Variants in IKBKE observed in about 807,000 individuals in gnomAD.
IKBKE encodes the protein inhibitor of nuclear factor kappa B kinase subunit epsilon.
Under a neutral mutation model 92.1 loss-of-function variants are expected in IKBKE, and 45 were observed. That is an observed-to-expected ratio of 0.49 (90% CI 0.38 to 0.63). IKBKE has a LOEUF of 0.63. Ranked by LOEUF, IKBKE falls within the 20% of genes least tolerant of loss-of-function variation. The probability of loss-of-function intolerance (pLI) is 0.00; values close to 1 mark genes in which losing one functional copy is unlikely to be tolerated. For synonymous variants in IKBKE, 374 were observed against 380.3 expected, an observed-to-expected ratio of 0.98 and a Z score of 0.19; for missense variants, 700 against 932.8, an observed-to-expected ratio of 0.75 and a Z score of 3.25.
chr1:206,479,058 A>G lies in IKBKE; in HGVS notation c.1108A>G (p.Ile370Val), dbSNP rs1665224135. 3 of 1,613,956 alleles carry G rather than the reference A, an allele frequency of 1.9e-6. No homozygotes were observed. The Admixed American group carries it at 5.0e-5, about 27-fold the overall frequency. The change falls in exon 10 of 22, where the codon ATC (isoleucine) becomes GTC (valine). Residue 370 changes from isoleucine (I) to valine (V), a missense_variant. By Grantham distance (29) the Ile-to-Val change is conservative. Coordinates refer to ENST00000581977, the MANE Select transcript of IKBKE (RefSeq NM_014002.4). ...CGAGCCCAGCGTCTCAGCACAGCAC[A>G]TCGCCCACACGACGGCAAGCAGCCC... ...VLEPSVSAQH[I>V]AHTTASSPLT...
chr1:206,491,275 C>T (rs41299846), intron 17 of IKBKE: 1 of 362,936 alleles, frequency 2.8e-6, no homozygotes, highest in Non-Finnish European at 5.2e-6. Context: ...GAACTCACTC[C>T]CCCAGTTCTA....
intron 2 of IKBKE, 46 bp from the exon 3 acceptor site, chr1:206,473,150 T>C: frequency 8.3e-7 from 1 of 1,200,934 alleles, no homozygotes; most frequent in Non-Finnish European, 1.2e-6. Context: ...GCGGCCACCC[T>C]GTGCCAGGAA....
intron 21 of IKBKE, among the ~76,000 whole-genome samples, chr1:206,494,298 T>C (rs1208896898): frequency 6.6e-6 from 1 of 152,200 alleles, no homozygotes; most frequent in African/African-American, 2.4e-5. Context: ...CTGCCCCAGA[T>C]GCCTCCTTGA....
rs1266628286 is a variant in IKBKE, at chr1:206,478,330, C to G, written c.983C>G (p.Ala328Gly). ...QAVLHHIYIH[A>G]HNTIAIFQEA... ...GTCCTGCACCACATCTATATCCATG[C>G]CCACAACACGTAAGTGGGGGCGAGG... is the stretch of plus-strand genomic sequence containing the variant. Residue 328 changes from alanine (A) to glycine (G), a missense_variant, in exon 9 of 22, where the codon GCC (alanine) becomes GGC (glycine). Ala to Gly is a moderately conservative substitution (Grantham distance 60, BLOSUM62 0). Transcript: ENST00000581977. The surrounding 1 kb of genome is among the most constrained non-coding windows in gnomAD (Gnocchi z 4.8). 2 of 1,613,126 alleles carry G rather than the reference C, an allele frequency of 1.2e-6. No individual in the cohort carries two copies. Among genetic ancestry groups the G allele is most frequent in the Non-Finnish European group, 1.7e-6 (2 of 1,180,002 alleles).
rs145967089 is a variant in IKBKE at position 206,477,773 on chromosome 1, G to A, written c.726G>A (p.Pro242=). ...EIMYRITTEK[P]AGAIAGAQRR... ...GGTACCGGATCACCACGGAGAAGCCGGCTGGGGCCATTGCAGGTGCCCAGA... is the reference window on the plus strand; with the variant it reads ...GGTACCGGATCACCACGGAGAAGCCAGCTGGGGCCATTGCAGGTGCCCAGA... The change falls in exon 8 of 22, where the codon CCG becomes CCA. Residue 242 remains proline (P), a synonymous_variant. Coordinates refer to ENST00000581977, the MANE Select transcript of IKBKE (RefSeq NM_014002.4). The A allele has an allele frequency of 1.3e-4, 199 of 1,567,158 alleles. No homozygotes were observed. The African/African-American group carries it at 1.3e-3, about 10-fold the overall frequency.
At chr1:206,480,223 G>A in intron 12 of IKBKE, 110 bp downstream of exon 12, 2 of 494,562 alleles carry the variant, frequency 4.0e-6, no homozygotes, top group South Asian at 4.0e-5. Flanking sequence ...GGCAGGAAGT[G>A]GAGGTGAGCA....
intron 18 of IKBKE, chr1:206,492,065 G>A (rs1045603271): frequency 2.1e-5 from 7 of 329,160 alleles, no homozygotes; most frequent in South Asian, 8.1e-5. Flanking sequence ...CCCAAGACTC[G>A]TATGTGGCTC....
chr1:206,480,272 G>T (rs1243681324), intron 12 of IKBKE, among the ~76,000 whole-genome samples, 159 bp downstream of exon 12: 1 of 129,290 alleles, frequency 7.7e-6, no homozygotes, highest in Non-Finnish European at 1.7e-5. Flanking sequence ...TGGGCAGAGA[G>T]GGGGAGGCGG....
At position 206,478,416 on chromosome 1, in the gene IKBKE, C is replaced by T; in HGVS notation, c.992+77C>T. The T allele has an allele frequency of 1.4e-6, 2 of 1,417,256 alleles. No individual in the cohort carries two copies. The highest frequency in any genetic ancestry group is 2.0e-6 in the Non-Finnish European group (2 of 1,018,372). 87.8% of individuals were successfully genotyped at this position (1,417,256 alleles called of 1,614,324 possible). On this transcript the variant is annotated intron_variant, in intron 9 of 21. Transcript: ENST00000581977. The surrounding 1 kb of genome is among the most constrained non-coding windows in gnomAD (Gnocchi z 4.8). ...CAGTGCATGTCCAAAGCAGCATCTC[C>T]CACAGTACGTTCTGAGGAGTGTGTA...
chr1:206,487,799 C>CA lies in IKBKE; in HGVS notation c.1617-111dup. ...CACCTCCACTCCCAGACTGATCCCC[C>CA]AAAACTGTGGCTGTGAGGCTCCTCC... On this transcript the variant is annotated intron_variant, in intron 15 of 21. Coordinates refer to ENST00000581977, the MANE Select transcript of IKBKE (RefSeq NM_014002.4). This position sits in a 1 kb window ranked among gnomAD's most constrained non-coding sequence, Gnocchi z 5.3. The CA allele has an allele frequency of 1.3e-6, 1 of 782,276 alleles. No homozygotes were observed. The allele number at this position is 782,276 out of a possible 1,614,324, so 48.5% of individuals were successfully genotyped here.
At chr1:206,473,896 G>A (rs1553384470) in intron 3 of IKBKE, among the ~76,000 whole-genome samples, 1 of 149,962 alleles carries the variant, frequency 6.7e-6, no homozygotes. Context: ...GGGAGGCAGA[G>A]GTTGCAGTGA....
In IKBKE at chr1:206,470,568, C is replaced by T. The variant is rs1553383626; in HGVS notation, c.-253C>T. 1 of 152,298 alleles carries T rather than the reference C, an allele frequency of 6.6e-6. No individual in the cohort carries two copies. The highest frequency in any genetic ancestry group is 1.5e-5 in the Non-Finnish European group (1 of 68,104). 9.4% of individuals were successfully genotyped at this position (152,298 alleles called of 1,614,324 possible). The stretch of plus-strand genomic sequence containing the variant: ...GGTGGCACAGACATTGCAACTGGCC[C>T]TGCCTGTGGGTCCTAGGGGCCCTTG... On this transcript the variant is annotated 5_prime_UTR_variant, in exon 1 of 22. Transcript: ENST00000581977.
chr1:206,478,884 C>A lies in IKBKE; in HGVS notation c.993-59C>A. 7.6e-7 allele frequency: 1 copy of A among 1,308,818 alleles called. No homozygotes were observed. Among genetic ancestry groups the A allele is most frequent in the Non-Finnish European group, 1.1e-6 (1 of 902,822 alleles). 81.1% of individuals were successfully genotyped at this position (1,308,818 alleles called of 1,614,324 possible). On this transcript the variant is annotated intron_variant, in intron 9 of 21. Coordinates refer to ENST00000581977, the MANE Select transcript of IKBKE (RefSeq NM_014002.4). The surrounding 1 kb of genome is among the most constrained non-coding windows in gnomAD (Gnocchi z 4.8). Reference sequence around the variant, plus strand: ...TTAGCTGGGGCTTAGGTCACCCTAGCCCCCTGCCTTGCCTACTGACACCCC... The same window carrying A: ...TTAGCTGGGGCTTAGGTCACCCTAGACCCCTGCCTTGCCTACTGACACCCC...
intron 16 of IKBKE, among the ~76,000 whole-genome samples, chr1:206,488,777 G>C (rs1665790824): frequency 6.6e-6 from 1 of 152,104 alleles, no homozygotes; most frequent in Admixed American, 6.5e-5. Flanking sequence ...AAAAACCACT[G>C]TCCAATAGAA....
intron 3 of IKBKE, among the ~76,000 whole-genome samples, chr1:206,473,950 G>A (rs1315255809): frequency 1.5e-5 from 2 of 134,304 alleles, no homozygotes; most frequent in African/African-American, 6.0e-5. Context: ...GACAGAGCGA[G>A]GCTCCGTCTC....
chr1:206,483,616 T>G (rs1349087008), intron 13 of IKBKE, among the ~76,000 whole-genome samples: 3 of 152,176 alleles, frequency 2.0e-5, no homozygotes, highest in Admixed American at 6.5e-5. Context: ...TTAAAAATCA[T>G]GATTGTTACT....
chr1:206,480,816 G>A (rs1018136930), intron 13 of IKBKE, among the ~76,000 whole-genome samples: 3 of 152,184 alleles, frequency 2.0e-5, no homozygotes, highest in African/African-American at 4.8e-5. Context: ...GAAGGGGCTT[G>A]TGTCCTGCCA....
chr1:206,491,474 A>G (rs1214459299), intron 17 of IKBKE, 174 bp from the exon 18 acceptor site: 6 of 527,820 alleles, frequency 1.1e-5, no homozygotes, highest in Non-Finnish European at 2.1e-5. Context: ...AACCTTCACA[A>G]TCCAAGTGTG....
rs1665195990 is a variant in IKBKE, at chr1:206,478,519, C to T, written c.992+180C>T. ...AGTTAAAGCTAAACAGGTTTTCTTG[C>T]ATGTACTTCAGAGAGTCAGTACCTT... On this transcript the variant is annotated intron_variant, in intron 9 of 21. Coordinates refer to ENST00000581977, the MANE Select transcript of IKBKE (RefSeq NM_014002.4). This position sits in a 1 kb window ranked among gnomAD's most constrained non-coding sequence, Gnocchi z 4.8. 6.6e-6 allele frequency among the ~76,000 whole-genome samples: 1 copy of T among 152,218 alleles called. No homozygotes were observed. The highest frequency in any genetic ancestry group is 6.5e-5 in the Admixed American group (1 of 15,290).
Sources: allele counts gnomAD v4.1 joint callset (sites outside exome capture counted in the v4.1 genomes callset), GRCh38; gene constraint gnomAD v4.1.1; non-coding constraint Gnocchi (gnomAD v3.1); transcripts MANE v1.5; gene names NCBI Gene and HGNC (gene_info 2026-07-23, HGNC 2026-07-21).